RAD54B: variants seen among roughly 807,000 people sequenced by gnomAD.
RAD54B encodes RAD54 homolog B.
RAD54B carries 78 observed loss-of-function variants against 95.8 expected under a neutral mutation model. The ratio of observed to expected loss-of-function variants is 0.81; its 90% CI spans 0.68 to 0.98. The LOEUF is 0.98. Ranked by LOEUF, RAD54B falls within the 50% of genes least tolerant of loss-of-function variation. RAD54B has a pLI of 0.00. For missense variants in RAD54B, 957 were observed against 1,056.6 expected, an observed-to-expected ratio of 0.91 and a Z score of 1.31; for synonymous variants, 328 against 354.9, an observed-to-expected ratio of 0.92 and a Z score of 0.85.
rs1811845183 is a variant in RAD54B at position 94,422,620 on chromosome 8, A to AT, written c.305-11306dup. Among the ~76,000 whole-genome samples, 40 of 42,338 alleles carry AT rather than the reference A, an allele frequency of 9.4e-4. 2 individuals carry two copies. The highest frequency in any genetic ancestry group is 9.1e-4 in the Non-Finnish European group (23 of 25,202). 27.8% of individuals were successfully genotyped at this position (42,338 alleles called of 152,430 possible). On this transcript the variant is annotated intron_variant, in intron 3 of 14. Coordinates refer to ENST00000336148, the MANE Select transcript of RAD54B (RefSeq NM_012415.3). ...AAAAAAAAAAAAAAAAAAAAAAAATATATATATATATATATATATATATAT... is the reference window on the plus strand; with the variant it reads ...AAAAAAAAAAAAAAAAAAAAAAAATATTATATATATATATATATATATATAT...
At chr8:94,395,222 C>T (rs2046663) in intron 8 of RAD54B, among the ~76,000 whole-genome samples, 20,379 of 152,084 alleles carry the variant, frequency 0.13, 1,963 homozygotes, top group African/African-American at 0.26. Context: ...TCTCATACTG[C>T]GTTCACTGGA....
intron 2 of RAD54B, among the ~76,000 whole-genome samples, chr8:94,459,181 C>A (rs151194907): frequency 6.6e-6 from 1 of 151,954 alleles, no homozygotes; most frequent in Non-Finnish European, 1.5e-5. Flanking sequence ...GATGGGGTCT[C>A]GGTCTGGTAC....
At chr8:94,411,054 A>T in intron 4 of RAD54B, 67 bp downstream of exon 4, 1 of 1,234,440 alleles carries the variant, frequency 8.1e-7, no homozygotes, top group Non-Finnish European at 1.2e-6. Flanking sequence ...ATTACATTTC[A>T]ATTATGTAAC....
chr8:94,469,544 T>G (rs2130207344), intron 1 of RAD54B, among the ~76,000 whole-genome samples: 1 of 152,372 alleles, frequency 6.6e-6, no homozygotes, highest in South Asian at 2.1e-4. Context: ...TAAGTATATG[T>G]CAATTTTGAT....
At chr8:94,452,392 A>G (rs749970872) in intron 3 of RAD54B, among the ~76,000 whole-genome samples, 3 of 152,220 alleles carry the variant, frequency 2.0e-5, no homozygotes, top group Non-Finnish European at 4.4e-5. Flanking sequence ...CAGGTGATGG[A>G]GCACCATGTC....
At chr8:94,433,025 A>T (rs1456577236) in intron 3 of RAD54B, among the ~76,000 whole-genome samples, 1 of 152,132 alleles carries the variant, frequency 6.6e-6, no homozygotes, top group Non-Finnish European at 1.5e-5. Flanking sequence ...CATTTAATGC[A>T]TTCTCAGTCT....
intron 3 of RAD54B, among the ~76,000 whole-genome samples, chr8:94,413,471 A>G (rs922898149): frequency 1.1e-4 from 16 of 152,208 alleles, no homozygotes; most frequent in Admixed American, 2.0e-4. Flanking sequence ...TTTTCAACAA[A>G]CATTGCTAAA....
intron 11 of RAD54B, 83 bp from the exon 12 acceptor site, chr8:94,380,489 T>A (rs1471857080): frequency 7.6e-7 from 1 of 1,316,002 alleles, no homozygotes; most frequent in African/African-American, 1.5e-5. Flanking sequence ...ACCACAATAA[T>A]ATTATCACTG....
chr8:94,433,231 C>G lies in RAD54B; in HGVS notation c.305-21916G>C, dbSNP rs3136420. 1.5e-3 allele frequency among the ~76,000 whole-genome samples: 222 copies of G among 152,152 alleles called. 1 individual carries two copies. Among genetic ancestry groups the G allele is most frequent in the African/African-American group, 5.1e-3 (210 of 41,548 alleles). On this transcript the variant is annotated intron_variant, in intron 3 of 14. Coordinates refer to ENST00000336148, the MANE Select transcript of RAD54B (RefSeq NM_012415.3). ...ATATGCTCAACTACTGGAGGTTATC[C>G]TAACTTTCTTATTTCAGATGCTTTT...
rs1300100335 is a variant in RAD54B at position 94,372,181 on chromosome 8, TAGCTTG to T, written c.2716_2721del (p.Gln906_Ala907del). 1 of 1,604,704 alleles carries T rather than the reference TAGCTTG, an allele frequency of 6.2e-7. No individual in the cohort carries two copies. The highest frequency in any genetic ancestry group is 8.5e-7 in the Non-Finnish European group (1 of 1,177,554). ...GAAGTAATCTTTCACTATGTGCCAGTAGCTTGAGTGGTTATATTCTGAAAAATGAAT... is the reference window on the plus strand; with the variant it reads ...GAAGTAATCTTTCACTATGTGCCAGTAGTGGTTATATTCTGAAAAATGAAT... On this transcript the variant is annotated inframe_deletion, in exon 15 of 15. Coordinates refer to ENST00000336148, the MANE Select transcript of RAD54B (RefSeq NM_012415.3).
chr8:94,468,423 A>G (rs1016942231), intron 1 of RAD54B, among the ~76,000 whole-genome samples: 8 of 152,126 alleles, frequency 5.3e-5, no homozygotes, highest in African/African-American at 1.9e-4. Context: ...TAAAAAGGTA[A>G]AAGGGGCCGG....
At chr8:94,428,139 T>C (rs1811990547) in intron 3 of RAD54B, 1 of 878,212 alleles carries the variant, frequency 1.1e-6, no homozygotes, top group Non-Finnish European at 1.4e-6. Flanking sequence ...GATAGGAAAG[T>C]GGCTATCCAC....
chr8:94,398,154 A>G (rs2130002513), intron 8 of RAD54B, among the ~76,000 whole-genome samples: 1 of 152,230 alleles, frequency 6.6e-6, no homozygotes, highest in Non-Finnish European at 1.5e-5. Context: ...GGGCATCCAG[A>G]AAATCTTGGG....
intron 10 of RAD54B, among the ~76,000 whole-genome samples, chr8:94,387,824 T>C (rs1488545729): frequency 6.6e-6 from 1 of 152,192 alleles, no homozygotes; most frequent in Admixed American, 6.5e-5. Context: ...TGTGAACATA[T>C]AACTAGAGAT....
Position 94,400,226 on chromosome 8 carries a change from TA to T in RAD54B, c.1170+11del. The T allele has an allele frequency of 1.2e-6, 2 of 1,604,428 alleles. No homozygotes were observed. The highest frequency in any genetic ancestry group is 1.1e-5 in the South Asian group (1 of 90,280). ...TTTTAAATGACTAAGGCTAAACTTTTAAGTTTCTTACCTGATCAACAGTAAA... is the reference window on the plus strand; with the variant it reads ...TTTTAAATGACTAAGGCTAAACTTTTAGTTTCTTACCTGATCAACAGTAAA... On this transcript the variant is annotated intron_variant, in intron 7 of 14. Transcript: ENST00000336148.
intron 3 of RAD54B, chr8:94,432,002 CT>C: frequency 2.3e-6 from 3 of 1,304,594 alleles, no homozygotes; most frequent in Non-Finnish European, 2.9e-6. Context: ...AAAATTATAT[CT>C]AAAAAGTTTT....
chr8:94,379,660 A>C (rs1394271488), intron 12 of RAD54B, among the ~76,000 whole-genome samples: 2 of 152,250 alleles, frequency 1.3e-5, no homozygotes, highest in Non-Finnish European at 2.9e-5. Context: ...GTGCAAACCT[A>C]CAGGTAGAAA....
At chr8:94,459,254 G>C (rs1812845952) in intron 2 of RAD54B, among the ~76,000 whole-genome samples, 1 of 151,822 alleles carries the variant, frequency 6.6e-6, no homozygotes, top group African/African-American at 2.4e-5. Flanking sequence ...CTGGGCCCAA[G>C]GGATCCTCCC....
At chr8:94,437,001 G>A (rs1420037345) in intron 3 of RAD54B, 6 of 1,390,786 alleles carry the variant, frequency 4.3e-6, no homozygotes, top group Non-Finnish European at 5.6e-6. Flanking sequence ...CTACAGGGGA[G>A]GGTTTATTAA....
Sources: allele counts gnomAD v4.1 joint callset (sites outside exome capture counted in the v4.1 genomes callset), GRCh38; gene constraint gnomAD v4.1.1; transcripts MANE v1.5; gene names NCBI Gene and HGNC (gene_info 2026-07-23, HGNC 2026-07-21).